Variants in ERICH2 observed in about 807,000 individuals in gnomAD.
ERICH2 encodes the protein glutamate-rich protein 2.
In ERICH2, 17 loss-of-function variants were observed where a neutral mutation model predicts 17.4. That is an observed-to-expected ratio of 0.98 (90% CI 0.67 to 1.47). The LOEUF is 1.47. Ranked by LOEUF, ERICH2 falls within the 40% of genes most tolerant of loss-of-function variation. The pLI, the probability that ERICH2 is intolerant of heterozygous loss-of-function variation, is 0.00. For synonymous variants in ERICH2, 51 were observed against 61.1 expected (o/e 0.83, Z 0.77); for missense variants, 186 against 183.2 (o/e 1.01, Z -0.09).
At chr2:170,787,208 A>G (rs917181168) in intron 2 of ERICH2, among the ~76,000 whole-genome samples, 2 of 152,182 alleles carry the variant, frequency 1.3e-5, no homozygotes, top group Non-Finnish European at 2.9e-5. Flanking sequence ...GCACACCACC[A>G]CACCTGGTAC....
chr2:170,784,978 C>T (rs918731925), intron 2 of ERICH2, 145 bp downstream of exon 7: 12 of 628,478 alleles, frequency 1.9e-5, no homozygotes, highest in Admixed American at 7.7e-5. Context: ...AGAAGCTGGA[C>T]GGGAAGAAGG....
At chr2:170,780,127 T>G (rs1482990953), upstream of ERICH2, among the ~76,000 whole-genome samples, 7 of 152,178 alleles carry the variant, frequency 4.6e-5, no homozygotes, top group African/African-American at 1.7e-4. Context: ...AGTACTAAAT[T>G]AAAGACTTTT....
chr2:170,796,889 A>T (rs1047443820), intron 3 of ERICH2, among the ~76,000 whole-genome samples: 3 of 152,190 alleles, frequency 2.0e-5, no homozygotes, highest in South Asian at 4.1e-4. Flanking sequence ...GAAGAAGTAG[A>T]GAGAGATCTG....
the ERICH2 span, chr2:170,770,868 C>A: frequency 6.7e-6 from 1 of 148,830 alleles, no homozygotes; most frequent in South Asian, 1.9e-4. Context: ...CCTCCCAGCC[C>A]CGCCCCGGGC....
the ERICH2 span, chr2:170,771,159 G>C: frequency 6.5e-6 from 1 of 154,464 alleles, no homozygotes; most frequent in Non-Finnish European, 1.5e-5. This position sits in a 1 kb window ranked among gnomAD's most constrained non-coding sequence, Gnocchi z 4.8. Flanking sequence ...GTGCCCTTCG[G>C]ATGGTCTGCT....
At chr2:170,793,045 C>A in intron 3 of ERICH2, 125 bp downstream of exon 8, 1 of 500,754 alleles carries the variant, frequency 2.0e-6, no homozygotes. Flanking sequence ...TCAGTGATTC[C>A]TTGATAATAA....
intron 3 of ERICH2, among the ~76,000 whole-genome samples, chr2:170,795,536 C>G (rs1293808272): frequency 6.6e-6 from 1 of 151,884 alleles, no homozygotes; most frequent in African/African-American, 2.4e-5. Context: ...TTTGTAGAGG[C>G]GGGGTTTCAC....
intron 3 of ERICH2, among the ~76,000 whole-genome samples, chr2:170,794,839 C>A (rs1453063371): frequency 6.6e-6 from 1 of 152,242 alleles, no homozygotes; most frequent in Non-Finnish European, 1.5e-5. Context: ...ACTTCTAGAT[C>A]ATTGGCTCAT....
intron 4 of ERICH2, 126 bp from the exon 10 acceptor site, chr2:170,798,644 A>G (rs2105731572): frequency 8.7e-7 from 1 of 1,142,938 alleles, no homozygotes; most frequent in Non-Finnish European, 1.2e-6. Context: ...GCAGTTAGCC[A>G]AGTCCAACTC....
chr2:170,789,184 C>T (rs918134484), intron 2 of ERICH2, among the ~76,000 whole-genome samples: 2 of 150,924 alleles, frequency 1.3e-5, no homozygotes, highest in African/African-American at 4.9e-5. Context: ...AGGCTGGTCT[C>T]GAACTCCTGG....
At chr2:170,789,472 T>C (rs942757200) in intron 2 of ERICH2, among the ~76,000 whole-genome samples, 1 of 152,220 alleles carries the variant, frequency 6.6e-6, no homozygotes, top group Non-Finnish European at 1.5e-5. Context: ...ATGGCTTTTG[T>C]AGCTTCTAGC....
intron 2 of ERICH2, among the ~76,000 whole-genome samples, chr2:170,791,056 G>T (rs1701277003): frequency 6.6e-6 from 1 of 151,870 alleles, no homozygotes; most frequent in Non-Finnish European, 1.5e-5. Context: ...TTGGATATTT[G>T]AAAAAAGGAT....
chr2:170,792,754 T>C (rs1701319115), intron 2 of ERICH2, 109 bp from the exon 8 acceptor site: 3 of 650,248 alleles, frequency 4.6e-6, no homozygotes, highest in Non-Finnish European at 7.9e-6. Flanking sequence ...TGGAAAAACA[T>C]GTGGAAGTGT....
intron 2 of ERICH2, among the ~76,000 whole-genome samples, chr2:170,789,260 C>T (rs2105706781): frequency 6.6e-6 from 1 of 151,952 alleles, no homozygotes. Flanking sequence ...CCACTGTGCC[C>T]ATCCTAGATA....
chr2:170,770,966 G>GCTGCCC, the ERICH2 span: 1 of 144,880 alleles, frequency 6.9e-6, no homozygotes, highest in African/African-American at 2.6e-5. Flanking sequence ...GGTTCCCCGG[G>GCTGCCC]CTGCCCCTGC....
At chr2:170,778,688 T>C in the ERICH2 span, among the ~76,000 whole-genome samples, 3 of 152,216 alleles carry the variant, frequency 2.0e-5, no homozygotes, top group African/African-American at 7.2e-5. Flanking sequence ...ATATGTATCC[T>C]ATTACATGGT....
chr2:170,796,430 TTTTTTTTTTG>T lies in ERICH2; in HGVS notation c.275-1601_275-1592del, dbSNP rs1266399347. Among the ~76,000 whole-genome samples, 80 of 47,964 alleles carry T rather than the reference TTTTTTTTTTG, an allele frequency of 1.7e-3. 2 individuals are homozygous for T. The highest frequency in any genetic ancestry group is 7.4e-3 in the East Asian group (6 of 812). 31.5% of individuals were successfully genotyped at this position (47,964 alleles called of 152,430 possible). A position where few individuals can be genotyped will look rare whatever the true frequency, so the allele number is the denominator to read the frequency against. On this transcript the variant is annotated intron_variant, in intron 3 of 4. Coordinates refer to ENST00000409885, the Ensembl canonical transcript of ERICH2. ...TGGTTATCTCTCTCTCTCTCTTTGT[TTTTTTTTTTG>T]TTTTTTTTTTTTTGAGACAGCGTCT... is the stretch of plus-strand genomic sequence containing the variant.
intron 2 of ERICH2, among the ~76,000 whole-genome samples, chr2:170,789,586 C>T (rs1293634310): frequency 1.3e-5 from 2 of 152,096 alleles, no homozygotes; most frequent in Non-Finnish European, 2.9e-5. Flanking sequence ...AACCTGTCTT[C>T]AGCTTAATTT....
At chr2:170,786,281 A>C (rs1001621767) in intron 2 of ERICH2, among the ~76,000 whole-genome samples, 1 of 151,684 alleles carries the variant, frequency 6.6e-6, no homozygotes, top group South Asian at 2.1e-4. Flanking sequence ...TTTAAAACAA[A>C]TTTTTAGCTA....
Sources: gnomAD v4.1 joint callset for allele counts (sites outside exome capture counted in the v4.1 genomes callset) on GRCh38, gnomAD v4.1.1 for gene constraint, Gnocchi (gnomAD v3.1) non-coding constraint, MANE v1.5 for transcripts, NCBI Gene and HGNC (gene_info 2026-07-23, HGNC 2026-07-21) for gene names.